Variants in KCNQ1 observed in about 807,000 individuals in gnomAD.
The protein encoded by KCNQ1 is potassium voltage-gated channel subfamily KQT member 1.
Under a neutral mutation model 72.4 loss-of-function variants are expected in KCNQ1, and 49 were observed. The ratio of observed to expected loss-of-function variants is 0.68; its 90% CI spans 0.54 to 0.86. The LOEUF (loss-of-function observed/expected upper bound fraction) is 0.86, where lower values mean the gene tolerates loss of function less well. Among genes scored for constraint, KCNQ1 ranks in the 40% least tolerant of loss-of-function variants. The pLI is 0.00. For synonymous variants in KCNQ1, 450 were observed against 412.6 expected (o/e 1.09, Z -1.10); for missense variants, 790 against 945.1 (o/e 0.84, Z 2.15).
chr11:2,759,166 GC>G lies in KCNQ1; in HGVS notation c.1515-9677del, dbSNP rs1471291373. On this transcript the variant is annotated intron_variant, in intron 11 of 15. Coordinates refer to ENST00000155840, the MANE Select transcript of KCNQ1 (RefSeq NM_000218.3). This position sits in a 1 kb window ranked among gnomAD's most constrained non-coding sequence, Gnocchi z 4.4. ...TATAATTGTTTCAAAATAAAAAGAA[GC>G]AAAACAACACACTGGGAGGTGCAGG... 6.6e-6 allele frequency among the ~76,000 whole-genome samples: 1 copy of G among 151,422 alleles called. No homozygotes were observed. Among genetic ancestry groups the G allele is most frequent in the Non-Finnish European group, 1.5e-5 (1 of 67,936 alleles).
rs1444082167 is a variant in KCNQ1, at chr11:2,481,188, G to A, written c.386+35704G>A. 6.6e-6 allele frequency among the ~76,000 whole-genome samples: 1 copy of A among 152,166 alleles called. No individual in the cohort carries two copies. Among genetic ancestry groups the A allele is most frequent in the Non-Finnish European group, 1.5e-5 (1 of 68,032 alleles). On this transcript the variant is annotated intron_variant, in intron 1 of 15. Transcript: ENST00000155840. This position sits in a 1 kb window ranked among gnomAD's most constrained non-coding sequence, Gnocchi z 4.6. ...TGACAATTCCAGTTACTCCTCACCA[G>A]ACATAAGAAAATGCTTTTAGTAGAT... is the stretch of plus-strand genomic sequence containing the variant.
chr11:2,614,059 A>G (rs997198224), intron 10 of KCNQ1: 93 of 398,446 alleles, frequency 2.3e-4, no homozygotes, highest in African/African-American at 1.7e-3. Flanking sequence ...CTTTCAACCA[A>G]TCTCTTATGC....
rs550887954 is a variant in KCNQ1 at position 2,571,392 on chromosome 11, G to A, written c.672G>A (p.Thr224=). Residue 224 remains threonine, a synonymous_variant, in exon 4 of 16, where the codon ACG becomes ACA. Transcript: ENST00000155840. ...GCTCCAAGGGGCAGGTGTTTGCCAC[G>A]TCGGCCATCAGGTGCGTCTGTGCCA... ...CVGSKGQVFA[T]SAIRGIRFLQ... 51 of 1,611,680 alleles carry A rather than the reference G, an allele frequency of 3.2e-5. No individual in the cohort carries two copies. The highest frequency in any genetic ancestry group is 2.6e-4 in the South Asian group (24 of 91,086).
At chr11:2,717,894 C>G (rs772035714) in intron 11 of KCNQ1, among the ~76,000 whole-genome samples, 24 of 152,178 alleles carry the variant, frequency 1.6e-4, no homozygotes, top group Middle Eastern at 3.2e-3. Context: ...CAGGTTTGAG[C>G]CCCCCGGGGT....
rs1249126036 is a variant in KCNQ1, at chr11:2,613,291, A to G, written c.1393+24437A>G. The G allele has an allele frequency of 2.5e-6, 1 of 398,562 alleles. No homozygotes were observed. Among genetic ancestry groups the G allele is most frequent in the East Asian group, 3.6e-5 (1 of 28,072 alleles). 24.7% of individuals were successfully genotyped at this position (398,562 alleles called of 1,614,324 possible). A position where few individuals can be genotyped will look rare whatever the true frequency, so the allele number is the denominator to read the frequency against. ...CTGATCTCTCCTGCAAGCATGTACA[A>G]CTTCCATATCTCCAGAATTCCTTTT... On this transcript the variant is annotated intron_variant, in intron 10 of 15. Coordinates refer to ENST00000155840, the MANE Select transcript of KCNQ1 (RefSeq NM_000218.3). The surrounding 1 kb of genome is among the most constrained non-coding windows in gnomAD (Gnocchi z 4.8).
intron 10 of KCNQ1, among the ~76,000 whole-genome samples, chr11:2,594,727 G>T (rs1227444378): frequency 6.6e-6 from 1 of 152,054 alleles, no homozygotes; most frequent in East Asian, 1.9e-4. Flanking sequence ...TTGTATGGGG[G>T]TTTAATTTGC....
chr11:2,643,099 G>A (rs1849605229), intron 10 of KCNQ1: 1 of 398,092 alleles, frequency 2.5e-6, no homozygotes, highest in East Asian at 3.6e-5. Context: ...ATCCTGGAGA[G>A]TGTTCCATGT....
At chr11:2,555,516 G>T (rs906482302) in intron 2 of KCNQ1, among the ~76,000 whole-genome samples, 1 of 152,350 alleles carries the variant, frequency 6.6e-6, no homozygotes, top group African/African-American at 2.4e-5. Flanking sequence ...GCAGCCAGGC[G>T]TGGGCGTCTC....
chr11:2,569,918 C>A (rs1016283964), intron 2 of KCNQ1, among the ~76,000 whole-genome samples: 9 of 152,198 alleles, frequency 5.9e-5, no homozygotes, highest in African/African-American at 1.9e-4. Context: ...AACCTCCGCC[C>A]TCTGGTGTCG....
At chr11:2,656,881 G>A (rs1849859670) in intron 10 of KCNQ1, 1 of 398,462 alleles carries the variant, frequency 2.5e-6, no homozygotes, top group African/African-American at 2.1e-5. Flanking sequence ...AGAATGACAA[G>A]AATGAATTTT....
At chr11:2,834,741 C>T (rs931347200) in intron 15 of KCNQ1, among the ~76,000 whole-genome samples, 3 of 152,200 alleles carry the variant, frequency 2.0e-5, no homozygotes, top group African/African-American at 7.2e-5. Context: ...CCCCCAAGCC[C>T]CAGATGGGCC....
At chr11:2,540,052 A>C (rs1847798826) in intron 2 of KCNQ1, among the ~76,000 whole-genome samples, 1 of 151,994 alleles carries the variant, frequency 6.6e-6, no homozygotes, top group African/African-American at 2.4e-5. Context: ...TGGGGCTCCT[A>C]GGGGGCTGCT....
At position 2,612,570 on chromosome 11, in the gene KCNQ1, C is replaced by T. The variant is rs915556172; in HGVS notation, c.1393+23716C>T. ...TCACCTAAGTTATTATATTTCACAA[C>T]TACAGAATTTCTATTTGGTTTCTAA... On this transcript the variant is annotated intron_variant, in intron 10 of 15. Transcript: ENST00000155840. The surrounding 1 kb of genome is among the most constrained non-coding windows in gnomAD (Gnocchi z 5.5). The T allele has an allele frequency of 7.5e-6, 3 of 398,456 alleles. No individual in the cohort carries two copies. The highest frequency in any genetic ancestry group is 8.8e-5 in the Admixed American group (2 of 22,714). 24.7% of individuals were successfully genotyped at this position (398,456 alleles called of 1,614,324 possible).
intron 2 of KCNQ1, among the ~76,000 whole-genome samples, chr11:2,542,563 A>C (rs1376502384): frequency 6.6e-6 from 1 of 152,242 alleles, no homozygotes; most frequent in Non-Finnish European, 1.5e-5. Context: ...TTGAGACAGC[A>C]GGCACATCCG....
chr11:2,608,606 T>G lies in KCNQ1; in HGVS notation c.1393+19752T>G, dbSNP rs1027168784. ...TCCTTGCCCCTTAGCCTATGACAGG[T>G]GTGCACCACAACACCAGCTGTTATT... On this transcript the variant is annotated intron_variant, in intron 10 of 15. Transcript: ENST00000155840. The surrounding 1 kb of genome is among the most constrained non-coding windows in gnomAD (Gnocchi z 4.6). 19 of 398,388 alleles carry G rather than the reference T, an allele frequency of 4.8e-5. No homozygotes were observed. The allele number at this position is 398,388 out of a possible 1,614,324, so 24.7% of individuals were successfully genotyped here.
intron 10 of KCNQ1, among the ~76,000 whole-genome samples, chr11:2,594,740 G>C (rs1848712549): frequency 6.6e-6 from 1 of 151,982 alleles, no homozygotes; most frequent in Non-Finnish European, 1.5e-5. Context: ...TAATTTGCTT[G>C]ATTTTAGCAT....
At position 2,612,400 on chromosome 11, in the gene KCNQ1, A is replaced by G; in HGVS notation, c.1393+23546A>G. The G allele has an allele frequency of 2.5e-6, 1 of 398,560 alleles. No individual in the cohort carries two copies. The highest frequency in any genetic ancestry group is 4.4e-6 in the Non-Finnish European group (1 of 226,046). The allele number at this position is 398,560 out of a possible 1,614,324, so 24.7% of individuals were successfully genotyped here. ...CAAAAAGGTTGGGGACCACTATATT[A>G]TGGTATCCAATGGGTATCTCTTCAT... On this transcript the variant is annotated intron_variant, in intron 10 of 15. Transcript: ENST00000155840. The surrounding 1 kb of genome is among the most constrained non-coding windows in gnomAD (Gnocchi z 5.5).
At chr11:2,619,558 T>A in intron 10 of KCNQ1, 1 of 398,578 alleles carries the variant, frequency 2.5e-6, no homozygotes, top group East Asian at 3.6e-5. Flanking sequence ...ATTGTTAAAT[T>A]TAGTCTGCCA....
chr11:2,679,189 C>T lies in KCNQ1; in HGVS notation c.1514+17108C>T. 1 of 398,632 alleles carries T rather than the reference C, an allele frequency of 2.5e-6. No individual in the cohort carries two copies. The highest frequency in any genetic ancestry group is 3.6e-5 in the East Asian group (1 of 28,066). 24.7% of individuals were successfully genotyped at this position (398,632 alleles called of 1,614,324 possible). A position where few individuals can be genotyped will look rare whatever the true frequency, so the allele number is the denominator to read the frequency against. The stretch of plus-strand genomic sequence containing the variant: ...AGTTTCCATGTCTGAGTTAGGCCAC[C>T]TGTAACAATGCAGCCCCATCCATGT... On this transcript the variant is annotated intron_variant, in intron 11 of 15. Coordinates refer to ENST00000155840, the MANE Select transcript of KCNQ1 (RefSeq NM_000218.3). The surrounding 1 kb of genome is among the most constrained non-coding windows in gnomAD (Gnocchi z 4.8).
Sources: gnomAD v4.1 joint callset for allele counts (sites outside exome capture counted in the v4.1 genomes callset) on GRCh38, gnomAD v4.1.1 for gene constraint, Gnocchi (gnomAD v3.1) non-coding constraint, MANE v1.5 for transcripts, NCBI Gene and HGNC (gene_info 2026-07-23, HGNC 2026-07-21) for gene names.